The following NOX5 variants were observed in gnomAD, a reference collection of about 807,000 sequenced individuals.
NOX5 encodes NADPH oxidase, EF-hand calcium binding domain 5.
A neutral mutation model predicts 85.7 loss-of-function variants in NOX5; 76 were observed. That is an observed-to-expected ratio of 0.89 (90% CI 0.74 to 1.07). The LOEUF (loss-of-function observed/expected upper bound fraction) is 1.07, where lower values mean the gene tolerates loss of function less well. Ranked by LOEUF, NOX5 falls within the 50% of genes least tolerant of loss-of-function variation. The pLI is 0.00. For missense variants in NOX5, 973 were observed against 999.5 expected (o/e 0.97, Z 0.36); for synonymous variants, 405 against 401.4 (o/e 1.01, Z -0.11).
chr15:69,035,339 A>T lies in NOX5; in HGVS notation c.856-15A>T, dbSNP rs1323816826. ...AGAGAGTGAGGCAGGGCTCTCTCCC[A>T]CTCTGCCTGGCCAGGTGCTGATGCT... On this transcript the variant is annotated splice_polypyrimidine_tract_variant and intron_variant, in intron 5 of 15. Transcript: ENST00000388866. 1.2e-6 allele frequency: 2 copies of T among 1,612,508 alleles called. No individual in the cohort carries two copies. Among genetic ancestry groups the T allele is most frequent in the East Asian group, 2.2e-5 (1 of 44,856 alleles).
rs2050528042 is a variant in NOX5, at chr15:69,037,073, C to T, written c.1234C>T (p.Leu412Phe). Residue 412 changes from leucine (L) to phenylalanine (F), a missense_variant, in exon 8 of 16, where the codon CTC becomes TTC. Coordinates refer to ENST00000388866, the MANE Select transcript of NOX5 (RefSeq NM_024505.4). ...GTCCTACCTCCTCGTGTGGCTTCTG[C>T]TCATCTTTCATGGGCCCAACTTCTG... Reference protein sequence around the residue: ...HLSYLLVWLLLIFHGPNFWKW... With the variant: ...HLSYLLVWLLFIFHGPNFWKW... The T allele has an allele frequency of 1.2e-6, 2 of 1,613,954 alleles. No homozygotes were observed. The highest frequency in any genetic ancestry group is 1.7e-5 in the Admixed American group (1 of 60,002).
Position 69,042,822 on chromosome 15 carries a change from G to A in NOX5, c.1647+17G>A. 6.2e-7 allele frequency: 1 copy of A among 1,610,628 alleles called. No homozygotes were observed. Among genetic ancestry groups the A allele is most frequent in the Non-Finnish European group, 8.5e-7 (1 of 1,178,318 alleles). ...TCGTCCAAGGTAGGTGGCTACTGGAGGGAAGGGGTCCACTCTGCTGGCAAG... is the reference window on the plus strand; with the variant it reads ...TCGTCCAAGGTAGGTGGCTACTGGAAGGAAGGGGTCCACTCTGCTGGCAAG... On this transcript the variant is annotated intron_variant, in intron 10 of 15. Coordinates refer to ENST00000388866, the MANE Select transcript of NOX5 (RefSeq NM_024505.4).
intron 1 of NOX5, among the ~76,000 whole-genome samples, chr15:69,016,839 T>C (rs1595764781): frequency 1.3e-5 from 2 of 151,924 alleles, no homozygotes; most frequent in Non-Finnish European, 2.9e-5. Flanking sequence ...CTAAAACATA[T>C]ATTTGTAAAC....
intron 11 of NOX5, 165 bp from the exon 12 acceptor site, chr15:69,047,248 A>G (rs538721482): frequency 1.6e-4 from 132 of 800,652 alleles, no homozygotes; most frequent in Non-Finnish European, 4.0e-5. Context: ...AGAGCACAGG[A>G]TGTGGAAAGA....
chr15:69,022,511 C>A (rs2050307198), intron 1 of NOX5: 2 of 170,108 alleles, frequency 1.2e-5, no homozygotes, highest in East Asian at 1.6e-4. Flanking sequence ...AGGAAAGACC[C>A]ACATGTATTA....
chr15:69,037,318 G>A (rs2050534550), intron 8 of NOX5, 108 bp downstream of exon 8: 1 of 1,122,286 alleles, frequency 8.9e-7, no homozygotes. Flanking sequence ...ATAGAGAATA[G>A]TGTAGCTGCA....
At chr15:69,050,281 C>T (rs1221874475) in intron 14 of NOX5, among the ~76,000 whole-genome samples, 2 of 152,132 alleles carry the variant, frequency 1.3e-5, no homozygotes, top group African/African-American at 2.4e-5. Flanking sequence ...TATTTTTATA[C>T]ATATATTTAC....
At chr15:69,033,486 A>G (rs538651648) in intron 5 of NOX5, among the ~76,000 whole-genome samples, 14 of 152,178 alleles carry the variant, frequency 9.2e-5, no homozygotes, top group African/African-American at 3.4e-4. Context: ...AAATAATAAC[A>G]TAACTGGCAT....
chr15:69,035,677 G>T, intron 6 of NOX5, 81 bp from the exon 7 acceptor site: 1 of 1,575,702 alleles, frequency 6.3e-7, no homozygotes, highest in Non-Finnish European at 8.6e-7. Flanking sequence ...ATCTGATGGT[G>T]CAGGGTGGGG....
At chr15:69,016,502 C>T (rs111341020) in intron 1 of NOX5, among the ~76,000 whole-genome samples, 40 of 152,298 alleles carry the variant, frequency 2.6e-4, no homozygotes, top group African/African-American at 9.4e-4. Flanking sequence ...GGGACTTAGG[C>T]CTGGCTCTGC....
At chr15:69,026,180 A>G (rs1022306978) in intron 1 of NOX5, among the ~76,000 whole-genome samples, 4 of 152,240 alleles carry the variant, frequency 2.6e-5, no homozygotes, top group Non-Finnish European at 5.9e-5. Flanking sequence ...GTGTAAAGGC[A>G]AGATGGAAAG....
rs1411581336 is a variant in NOX5, at chr15:69,058,359, A to C, written c.*1663A>C. On this transcript the variant is annotated 3_prime_UTR_variant, in exon 16 of 16. Transcript: ENST00000388866. ...GGATGGAAGAATGAAGGTGGGGGAA[A>C]GCTCTCTTCTGAAAGGGGCAATAGG... 1 of 152,532 alleles carries C rather than the reference A, an allele frequency of 6.6e-6. No homozygotes were observed. The highest frequency in any genetic ancestry group is 2.4e-5 in the African/African-American group (1 of 41,382). The allele number at this position is 152,532 out of a possible 1,614,324, so 9.4% of individuals were successfully genotyped here.
chr15:69,042,520 G>A, intron 9 of NOX5, 143 bp from the exon 10 acceptor site: 2 of 795,486 alleles, frequency 2.5e-6, no homozygotes, highest in East Asian at 5.4e-5. Context: ...GGCTATGGCT[G>A]CTAGTCTGGT....
At chr15:69,025,628 C>T (rs1471250003) in intron 1 of NOX5, among the ~76,000 whole-genome samples, 1 of 152,156 alleles carries the variant, frequency 6.6e-6, no homozygotes, top group Non-Finnish European at 1.5e-5. Flanking sequence ...AATACAAAAT[C>T]CACAAAGAAT....
Position 69,031,585 on chromosome 15 carries a change from A to C in NOX5, c.393A>C (p.Ser131=). ...WGAGAGPHWA[S]SPLGTGSGSI... The stretch of plus-strand genomic sequence containing the variant: ...CTGGGGCAGGCCCGCACTGGGCTTC[A>C]TCCCCACTCGGGACAGGCAGTGGCT... Residue 131 remains serine (S), a synonymous_variant, in exon 4 of 16, where the codon TCA becomes TCC. Coordinates refer to ENST00000388866, the MANE Select transcript of NOX5 (RefSeq NM_024505.4). The C allele has an allele frequency of 6.2e-7, 1 of 1,613,030 alleles. No homozygotes were observed. Among genetic ancestry groups the C allele is most frequent in the Non-Finnish European group, 8.5e-7 (1 of 1,180,032 alleles).
intron 3 of NOX5, chr15:69,031,291 G>T: frequency 1.8e-6 from 1 of 569,364 alleles, no homozygotes; most frequent in Non-Finnish European, 3.1e-6. Context: ...AAGTTGAGTA[G>T]TACTTAGGGA....
In NOX5 at chr15:69,047,819, C is replaced by A. The variant is rs757210011; in HGVS notation, c.1818-11C>A. On this transcript the variant is annotated splice_polypyrimidine_tract_variant and intron_variant, in intron 12 of 15. Coordinates refer to ENST00000388866, the MANE Select transcript of NOX5 (RefSeq NM_024505.4). ...CCAAATTTACAACCCCTTCCTCCTG[C>A]CTCCCCTCAGGCACCAGAAAAGAAA... 3 of 1,614,024 alleles carry A rather than the reference C, an allele frequency of 1.9e-6. No individual in the cohort carries two copies. The highest frequency in any genetic ancestry group is 2.2e-5 in the South Asian group (2 of 91,068).
At chr15:69,026,773 C>G in intron 2 of NOX5, 122 bp downstream of exon 2, 1 of 1,331,878 alleles carries the variant, frequency 7.5e-7, no homozygotes, top group African/African-American at 1.4e-5. Context: ...CACCTTGTAG[C>G]GGGCTGGCGG....
At position 69,055,482 on chromosome 15, in the gene NOX5, G is replaced by A; in HGVS notation, c.2148G>A (p.Gly716=). The change falls in exon 15 of 16, where the codon GGG becomes GGA. Residue 716 remains glycine (G), a synonymous_variant. Coordinates refer to ENST00000388866, the MANE Select transcript of NOX5 (RefSeq NM_024505.4). ...ITGLQTRTQP[G]RPDWSKVFQK... ...GGCTGCAGACGCGCACCCAGCCTGG[G>A]CGGCCTGACTGGAGCAAGGTAATGC... 1 of 1,614,044 alleles carries A rather than the reference G, an allele frequency of 6.2e-7. No homozygotes were observed. The highest frequency in any genetic ancestry group is 8.5e-7 in the Non-Finnish European group (1 of 1,180,030).
Sources: gnomAD v4.1 joint callset for allele counts (sites outside exome capture counted in the v4.1 genomes callset) on GRCh38, gnomAD v4.1.1 for gene constraint, MANE v1.5 for transcripts, NCBI Gene and HGNC (gene_info 2026-07-23, HGNC 2026-07-21) for gene names.